Variants in PTPRK observed in about 807,000 individuals in gnomAD.
The protein encoded by PTPRK is protein tyrosine phosphatase receptor type K, also known as receptor-type tyrosine-protein phosphatase kappa.
In PTPRK, 75 loss-of-function variants were observed where a neutral mutation model predicts 178.0. The ratio of observed to expected loss-of-function variants is 0.42; its 90% CI spans 0.35 to 0.51. PTPRK has a LOEUF of 0.51. PTPRK is among the 20% of genes least tolerant of loss of function. The probability of loss-of-function intolerance (pLI) is 0.02; values close to 1 mark genes in which losing one functional copy is unlikely to be tolerated. For synonymous variants in PTPRK, 637 were observed against 620.6 expected (o/e 1.03, Z -0.39); for missense variants, 1,441 against 1,797.8 (o/e 0.80, Z 3.59).
chr6:128,461,913 T>A (rs765048411), intron 1 of PTPRK, among the ~76,000 whole-genome samples: 1 of 152,254 alleles, frequency 6.6e-6, no homozygotes, highest in Non-Finnish European at 1.5e-5. Flanking sequence ...CAGTGCATCA[T>A]TGATGAATAA....
At position 128,417,856 on chromosome 6, in the gene PTPRK, C is replaced by T. The variant is rs115949902; in HGVS notation, c.101-20168G>A. Among the ~76,000 whole-genome samples, 559 of 152,284 alleles carry T rather than the reference C, an allele frequency of 3.7e-3. 4 individuals are homozygous for T. The highest frequency in any genetic ancestry group is 0.012 in the African/African-American group (495 of 41,558). On this transcript the variant is annotated intron_variant, in intron 1 of 29. Coordinates refer to ENST00000368226, the MANE Select transcript of PTPRK (RefSeq NM_002844.4). ...GAAGAAAAAGGAACGTGGTCCTTTT[C>T]GTGTCTAATTCCCAGACACATTCTT...
At chr6:128,403,022 C>G (rs1841226260) in intron 1 of PTPRK, among the ~76,000 whole-genome samples, 1 of 152,190 alleles carries the variant, frequency 6.6e-6, no homozygotes, top group Non-Finnish European at 1.5e-5. Flanking sequence ...AGACACATTT[C>G]AGGAAATCCA....
intron 2 of PTPRK, among the ~76,000 whole-genome samples, chr6:128,333,819 C>A (rs1205231155): frequency 6.6e-6 from 1 of 152,212 alleles, no homozygotes; most frequent in Non-Finnish European, 1.5e-5. Context: ...CTAACAGGAA[C>A]AAGAGGCCCA....
chr6:128,494,201 T>TAAAAAAAAAAAAAAAAAA, intron 1 of PTPRK, among the ~76,000 whole-genome samples: 1 of 112,944 alleles, frequency 8.9e-6, no homozygotes, highest in Non-Finnish European at 1.8e-5. Context: ...CCCTGTATCT[T>TAAAAAAAAAAAAAAAAAA]AAAAAAAAAA....
chr6:128,389,700 T>C (rs901958619), intron 2 of PTPRK, among the ~76,000 whole-genome samples: 1 of 151,994 alleles, frequency 6.6e-6, no homozygotes, highest in Admixed American at 6.6e-5. Context: ...ATCTAGGAGG[T>C]TGGAAGTTCT....
chr6:128,138,544 C>T (rs951573581), intron 7 of PTPRK, among the ~76,000 whole-genome samples: 6 of 152,066 alleles, frequency 3.9e-5, no homozygotes, highest in Admixed American at 2.0e-4. Context: ...CTGAAAGTCT[C>T]CTTGGTGTGT....
At chr6:127,983,155 A>G in intron 23 of PTPRK, 87 bp downstream of exon 23, 6 of 1,337,116 alleles carry the variant, frequency 4.5e-6, no homozygotes, top group Non-Finnish European at 6.0e-6. Context: ...CTTTCGGTTG[A>G]GTAGAGTATA....
At chr6:128,059,382 T>C (rs1469690871) in intron 13 of PTPRK, among the ~76,000 whole-genome samples, 1 of 152,150 alleles carries the variant, frequency 6.6e-6, no homozygotes, top group African/African-American at 2.4e-5. Context: ...CCTACACTAA[T>C]TTTTAGAGAT....
intron 24 of PTPRK, among the ~76,000 whole-genome samples, chr6:127,981,795 T>C (rs888274578): frequency 2.0e-5 from 3 of 152,180 alleles, no homozygotes; most frequent in Non-Finnish European, 2.9e-5. Context: ...TATTTTGAAA[T>C]AACATGTACT....
rs112586991 is a variant in PTPRK at position 128,301,724 on chromosome 6, T to C, written c.495+20315A>G. On this transcript the variant is annotated intron_variant, in intron 3 of 29. Coordinates refer to ENST00000368226, the MANE Select transcript of PTPRK (RefSeq NM_002844.4). ...CATATACTAAATGAATATATGGTTT[T>C]AATTCATCTGAATATACACACTGTT... Among the ~76,000 whole-genome samples, 964 of 152,308 alleles carry C rather than the reference T, an allele frequency of 6.3e-3. 13 individuals are homozygous for C. The highest frequency in any genetic ancestry group is 0.022 in the African/African-American group (922 of 41,576).
In PTPRK at chr6:128,089,972, T is replaced by C; in HGVS notation, c.1183A>G (p.Thr395Ala). ...GCCTGTATTTCAGCAATCTTTAATGTCTTTGGGGTTCTCATAGGTTCTGAA... is the reference window on the plus strand; with the variant it reads ...GCCTGTATTTCAGCAATCTTTAATGCCTTTGGGGTTCTCATAGGTTCTGAA... ...KCAEPMRTPKTLKIAEIQARR... is the reference protein window; with the variant it reads ...KCAEPMRTPKALKIAEIQARR... The change falls in exon 8 of 30, where the codon ACA (threonine) becomes GCA (alanine). Residue 395 changes from threonine (T) to alanine (A), a missense_variant. Around this residue, in one of 4 missense-constraint regions of PTPRK, gnomAD observed 945 missense variants for 1,080.6 expected, o/e 0.87. Coordinates refer to ENST00000368226, the MANE Select transcript of PTPRK (RefSeq NM_002844.4). The C allele has an allele frequency of 6.2e-7, 1 of 1,605,416 alleles. No individual in the cohort carries two copies. Among genetic ancestry groups the C allele is most frequent in the East Asian group, 2.2e-5 (1 of 44,724 alleles).
At position 128,144,338 on chromosome 6, in the gene PTPRK, A is replaced by T. The variant is rs142923452; in HGVS notation, c.1162+40094T>A. On this transcript the variant is annotated intron_variant, in intron 7 of 29. Coordinates refer to ENST00000368226, the MANE Select transcript of PTPRK (RefSeq NM_002844.4). ...TCAATGTATTCAAATATTACATTAC[A>T]TTGCTTTAAATCTTGTTGTATATTT... Among the ~76,000 whole-genome samples, 539 of 152,360 alleles carry T rather than the reference A, an allele frequency of 3.5e-3. 5 individuals carry two copies. Among genetic ancestry groups the T allele is most frequent in the African/African-American group, 0.013 (521 of 41,584 alleles).
chr6:128,089,604 T>C (rs562953704), intron 8 of PTPRK, 86 bp downstream of exon 8: 3 of 1,330,222 alleles, frequency 2.3e-6, no homozygotes, highest in South Asian at 1.3e-5. Context: ...CAATTCAGTA[T>C]TGGACAATCT....
At chr6:128,156,042 A>G (rs1797894464) in intron 7 of PTPRK, among the ~76,000 whole-genome samples, 1 of 151,960 alleles carries the variant, frequency 6.6e-6, no homozygotes, top group Non-Finnish European at 1.5e-5. Context: ...TGATGTAGCA[A>G]TTATTGCAAG....
intron 7 of PTPRK, among the ~76,000 whole-genome samples, chr6:128,148,175 T>C (rs116125470): frequency 5.8e-4 from 89 of 152,234 alleles, no homozygotes; most frequent in African/African-American, 1.8e-3. Flanking sequence ...ATGAACTTAT[T>C]TGAATGATGA....
rs536361043 is a variant in PTPRK, at chr6:128,344,350, C to T, written c.224-22040G>A. ...ATCACACTCATCTTTTAAAGGTCAA[C>T]TCAAGTTACATCAGGATTCTTATGC... On this transcript the variant is annotated intron_variant, in intron 2 of 29. Transcript: ENST00000368226. Among the ~76,000 whole-genome samples, 6 of 152,264 alleles carry T rather than the reference C, an allele frequency of 3.9e-5. No homozygotes were observed. The South Asian group carries it at 1.2e-3, about 32-fold the overall frequency.
chr6:127,991,202 C>A, intron 20 of PTPRK, 92 bp downstream of exon 20: 1 of 988,480 alleles, frequency 1.0e-6, no homozygotes, highest in Non-Finnish European at 1.5e-6. Context: ...TTTTTTTAAA[C>A]AATTGGATGA....
chr6:128,235,632 C>G (rs748960789), intron 5 of PTPRK: 1 of 477,144 alleles, frequency 2.1e-6, no homozygotes, highest in African/African-American at 2.0e-5. Context: ...AGAAATAAAC[C>G]ATTCATAGGT....
intron 13 of PTPRK, among the ~76,000 whole-genome samples, chr6:128,047,673 T>G (rs375368007): frequency 6.6e-6 from 1 of 152,198 alleles, no homozygotes; most frequent in Non-Finnish European, 1.5e-5. Flanking sequence ...GAACTTTAAG[T>G]GCTTTCTTGC....
Sources: allele counts gnomAD v4.1 joint callset (sites outside exome capture counted in the v4.1 genomes callset), GRCh38; gene constraint gnomAD v4.1.1; regional missense constraint gnomAD v4.1.1; transcripts MANE v1.5; gene names NCBI Gene and HGNC (gene_info 2026-07-23, HGNC 2026-07-21).